The following HP1BP3 variants were observed in gnomAD, a reference collection of about 807,000 sequenced individuals.
HP1BP3 encodes the protein heterochromatin protein 1 binding protein 3.
HP1BP3 carries 12 observed loss-of-function variants against 62.5 expected under a neutral mutation model. That is an observed-to-expected ratio of 0.19 (90% CI 0.12 to 0.31). The LOEUF is 0.31. Among genes scored for constraint, HP1BP3 ranks in the 10% least tolerant of loss-of-function variants. The pLI, the probability that HP1BP3 is intolerant of heterozygous loss-of-function variation, is 1.00. For missense variants in HP1BP3, 502 were observed against 651.8 expected, an observed-to-expected ratio of 0.77 and a Z score of 2.50; for synonymous variants, 260 against 237.8, an observed-to-expected ratio of 1.09 and a Z score of -0.86.
chr1:20,761,237 G>C (rs761412647), intron 8 of HP1BP3, among the ~76,000 whole-genome samples: 7 of 151,968 alleles, frequency 4.6e-5, no homozygotes, highest in Non-Finnish European at 1.0e-4. Flanking sequence ...AGTAGAGATG[G>C]GGTTTCACCA....
Position 20,743,185 on chromosome 1 carries a change from A to G in HP1BP3, c.*1612T>C, listed in dbSNP as rs2055134251. 1 of 152,454 alleles carries G rather than the reference A, an allele frequency of 6.6e-6. No homozygotes were observed. Among genetic ancestry groups the G allele is most frequent in the Admixed American group, 6.6e-5 (1 of 15,264 alleles). The allele number at this position is 152,454 out of a possible 1,614,324, so 9.4% of individuals were successfully genotyped here. ...TTGATATCAAAAGTGCTGTGGAAAG[A>G]AAGGAGGGGAAAAAAACCCACAAAT... On this transcript the variant is annotated 3_prime_UTR_variant, in exon 13 of 13. Coordinates refer to ENST00000438032, the MANE Select transcript of HP1BP3 (RefSeq NM_001372052.1).
chr1:20,757,708 T>A (rs2056206783), intron 8 of HP1BP3, among the ~76,000 whole-genome samples: 2 of 152,126 alleles, frequency 1.3e-5, no homozygotes, highest in Admixed American at 1.3e-4. Context: ...TAACGCTGTA[T>A]GACAGACCTA....
chr1:20,782,363 C>G (rs2057593228), intron 1 of HP1BP3, among the ~76,000 whole-genome samples: 1 of 151,836 alleles, frequency 6.6e-6, no homozygotes, highest in South Asian at 2.1e-4. Flanking sequence ...GTAGGAGGTT[C>G]ACTCGAGCCC....
chr1:20,756,875 C>T (rs2056143842), intron 9 of HP1BP3, among the ~76,000 whole-genome samples: 1 of 152,064 alleles, frequency 6.6e-6, no homozygotes, highest in Admixed American at 6.6e-5. Context: ...GCCCCCACGC[C>T]CAGCTCATTT....
At position 20,766,579 on chromosome 1, in the gene HP1BP3, G is replaced by A. The variant is rs554333606; in HGVS notation, c.735+1005C>T. 4.6e-5 allele frequency among the ~76,000 whole-genome samples: 7 copies of A among 152,322 alleles called. No homozygotes were observed. In the South Asian group the frequency reaches 1.2e-3, roughly 27 times the overall value. On this transcript the variant is annotated intron_variant, in intron 7 of 12. Coordinates refer to ENST00000438032, the MANE Select transcript of HP1BP3 (RefSeq NM_001372052.1). ...ATATGTGTTGGGAAGAAGAATGTTA[G>A]TATTTACAAAAACAGGAAGAAAAAT...
chr1:20,777,148 G>C (rs2057338492), intron 3 of HP1BP3, among the ~76,000 whole-genome samples: 1 of 152,086 alleles, frequency 6.6e-6, no homozygotes, highest in Non-Finnish European at 1.5e-5. Flanking sequence ...ACTGAAGCAA[G>C]AGTAGAAATA....
chr1:20,757,928 G>A lies in HP1BP3; in HGVS notation c.891-672C>T, dbSNP rs12039620. ...TGGGAGGCCGAGGCGGGTGGATCAC[G>A]AGATCAGGAGTTCGAGACCAGCCTG... On this transcript the variant is annotated intron_variant, in intron 8 of 12. Transcript: ENST00000438032. Among the ~76,000 whole-genome samples the A allele has an allele frequency of 2.2e-3, 328 of 152,088 alleles. 7 individuals carry two copies. In the East Asian group the frequency reaches 0.048, roughly 22 times the overall value.
At chr1:20,782,372 C>G (rs893215728) in intron 1 of HP1BP3, among the ~76,000 whole-genome samples, 1 of 151,384 alleles carries the variant, frequency 6.6e-6, no homozygotes, top group African/African-American at 2.4e-5. Context: ...TCACTCGAGC[C>G]CAGGAGTTCA....
intron 9 of HP1BP3, among the ~76,000 whole-genome samples, chr1:20,750,511 A>C (rs1373314398): frequency 3.3e-5 from 5 of 152,084 alleles, no homozygotes; most frequent in South Asian, 2.1e-4. Flanking sequence ...TCGGCGACAG[A>C]GTAAGATTCT....
intron 4 of HP1BP3, chr1:20,776,141 T>C (rs1479742015): frequency 1.3e-5 from 10 of 791,874 alleles, no homozygotes; most frequent in Admixed American, 6.6e-5. Flanking sequence ...CAAACATATA[T>C]AGACTTTTAG....
intron 1 of HP1BP3, chr1:20,786,096 CG>C (rs77962135): frequency 0.14 from 21,136 of 152,266 alleles, 2,620 homozygotes; most frequent in East Asian, 0.71. Context: ...GGTCTCCGTA[CG>C]GGAGACAACT....
chr1:20,759,562 G>A (rs908805554), intron 8 of HP1BP3, among the ~76,000 whole-genome samples: 6 of 152,196 alleles, frequency 3.9e-5, no homozygotes, highest in African/African-American at 1.2e-4. Context: ...ACACCCAGAA[G>A]AGGCCCTCAC....
chr1:20,750,764 G>A (rs1418339080), intron 9 of HP1BP3, among the ~76,000 whole-genome samples: 2 of 149,308 alleles, frequency 1.3e-5, no homozygotes, highest in Admixed American at 6.7e-5. Context: ...CAAGGATAAA[G>A]ACATGTACGA....
At chr1:20,754,862 ACT>A (rs2056004305) in intron 9 of HP1BP3, among the ~76,000 whole-genome samples, 1 of 151,982 alleles carries the variant, frequency 6.6e-6, no homozygotes, top group Admixed American at 6.6e-5. Context: ...AAATTATAAA[ACT>A]CTTAAAACGT....
At chr1:20,751,304 T>A (rs2055734438) in intron 9 of HP1BP3, among the ~76,000 whole-genome samples, 2 of 152,104 alleles carry the variant, frequency 1.3e-5, no homozygotes. Context: ...ATGATTTTTT[T>A]TTTTTACTGC....
chr1:20,778,632 TTTC>T (rs1486718553), intron 3 of HP1BP3, among the ~76,000 whole-genome samples: 1 of 151,274 alleles, frequency 6.6e-6, no homozygotes, highest in Non-Finnish European at 1.5e-5. Flanking sequence ...GATTCCCGTG[TTTC>T]TTAACTGCCT....
chr1:20,768,708 C>T (rs1271880402), intron 6 of HP1BP3, among the ~76,000 whole-genome samples: 2 of 152,036 alleles, frequency 1.3e-5, no homozygotes, highest in African/African-American at 2.4e-5. Context: ...GGTGTGGTAG[C>T]GGGCGCCTGT....
chr1:20,767,776 G>GAT, intron 6 of HP1BP3, 112 bp from the exon 7 acceptor site: 1 of 551,902 alleles, frequency 1.8e-6, no homozygotes, highest in Non-Finnish European at 3.1e-6. Flanking sequence ...TACTTCTTCA[G>GAT]AGAAAAAAAA....
intron 7 of HP1BP3, among the ~76,000 whole-genome samples, chr1:20,767,105 G>A (rs1187072982): frequency 6.6e-6 from 1 of 152,146 alleles, no homozygotes; most frequent in Non-Finnish European, 1.5e-5. Context: ...GATCACTGAG[G>A]TCAAGAGTTC....
Sources: allele counts gnomAD v4.1 joint callset (sites outside exome capture counted in the v4.1 genomes callset), GRCh38; gene constraint gnomAD v4.1.1; transcripts MANE v1.5; gene names NCBI Gene and HGNC (gene_info 2026-07-23, HGNC 2026-07-21).